The following LHFPL3 variants were observed in gnomAD, a reference collection of about 807,000 sequenced individuals.
The protein encoded by LHFPL3 is LHFPL tetraspan subfamily member 3 protein.
LHFPL3 carries 5 observed loss-of-function variants against 19.3 expected under a neutral mutation model. That is an observed-to-expected ratio of 0.26 (90% CI 0.14 to 0.54). The LOEUF is 0.54. LHFPL3 is among the 20% of genes least tolerant of loss of function. The pLI, the probability that LHFPL3 is intolerant of heterozygous loss-of-function variation, is 0.94. For missense variants in LHFPL3, 249 were observed against 307.4 expected (o/e 0.81, Z 1.42); for synonymous variants, 133 against 126.2 (o/e 1.05, Z -0.36).
intron 1 of LHFPL3, among the ~76,000 whole-genome samples, chr7:104,456,976 G>T (rs115764429): frequency 6.6e-6 from 1 of 152,078 alleles, no homozygotes; most frequent in South Asian, 2.1e-4. Flanking sequence ...CAAAATTATG[G>T]GTAAGGGGGG....
At chr7:104,830,590 A>G (rs188710057) in intron 2 of LHFPL3, among the ~76,000 whole-genome samples, 6 of 152,024 alleles carry the variant, frequency 3.9e-5, no homozygotes, top group Admixed American at 3.3e-4. Flanking sequence ...TAAATAGGGA[A>G]TCCTCTCCCC....
intron 1 of LHFPL3, among the ~76,000 whole-genome samples, chr7:104,711,068 C>T (rs1335883161): frequency 2.0e-5 from 3 of 152,146 alleles, no homozygotes; most frequent in South Asian, 4.2e-4. Context: ...GTATCAATAC[C>T]TAGAGATAAA....
intron 1 of LHFPL3, among the ~76,000 whole-genome samples, chr7:104,702,764 T>A (rs749931773): frequency 5.9e-5 from 9 of 152,184 alleles, no homozygotes; most frequent in Non-Finnish European, 1.0e-4. Context: ...TCATATCACA[T>A]CTTGAATTTT....
chr7:104,562,368 G>A (rs1221689834), intron 1 of LHFPL3, among the ~76,000 whole-genome samples: 2 of 152,148 alleles, frequency 1.3e-5, no homozygotes, highest in African/African-American at 4.8e-5. Flanking sequence ...AGTTCTTGGA[G>A]GCTTTGCTCA....
intron 1 of LHFPL3, among the ~76,000 whole-genome samples, chr7:104,684,460 T>C (rs959606634): frequency 6.6e-6 from 1 of 152,236 alleles, no homozygotes; most frequent in Non-Finnish European, 1.5e-5. Context: ...ACACAAAAAA[T>C]GAGCCTAGCT....
chr7:104,467,362 G>T (rs772787228), intron 1 of LHFPL3, among the ~76,000 whole-genome samples: 23 of 152,240 alleles, frequency 1.5e-4, no homozygotes, highest in Admixed American at 2.6e-4. Flanking sequence ...ATAACATGGG[G>T]TCTACTCGAG....
At chr7:104,360,320 C>G (rs1279089560) in intron 1 of LHFPL3, among the ~76,000 whole-genome samples, 4 of 152,198 alleles carry the variant, frequency 2.6e-5, no homozygotes, top group Admixed American at 6.5e-5. Context: ...CTCCCCTGTG[C>G]TTGCTGTGCA....
chr7:104,754,078 G>A (rs910912400), intron 2 of LHFPL3, among the ~76,000 whole-genome samples: 6 of 152,198 alleles, frequency 3.9e-5, no homozygotes, highest in Admixed American at 3.3e-4. Flanking sequence ...GTGGTGGGGA[G>A]TTGGAGGAAA....
intron 1 of LHFPL3, among the ~76,000 whole-genome samples, chr7:104,581,594 A>G (rs1248602911): frequency 2.6e-5 from 4 of 151,950 alleles, no homozygotes; most frequent in Non-Finnish European, 4.4e-5. Context: ...GATTGTGAAT[A>G]TGTTTTCCTA....
At chr7:104,573,283 G>A (rs7797397) in intron 1 of LHFPL3, among the ~76,000 whole-genome samples, 1 of 151,734 alleles carries the variant, frequency 6.6e-6, no homozygotes, top group African/African-American at 2.4e-5. Context: ...ATAGTGGCGG[G>A]CACCTGTAAT....
intron 1 of LHFPL3, among the ~76,000 whole-genome samples, chr7:104,483,900 C>T (rs1210821599): frequency 6.6e-6 from 1 of 152,162 alleles, no homozygotes; most frequent in Non-Finnish European, 1.5e-5. Context: ...GTTGGGATTA[C>T]AGGTATCAGC....
intron 2 of LHFPL3, among the ~76,000 whole-genome samples, chr7:104,777,833 T>G (rs561126395): frequency 6.6e-6 from 1 of 152,264 alleles, no homozygotes; most frequent in East Asian, 1.9e-4. Context: ...GCAGGAACCA[T>G]GTCCTTTTGA....
intron 1 of LHFPL3, among the ~76,000 whole-genome samples, chr7:104,573,858 C>T (rs1440530550): frequency 2.0e-5 from 3 of 152,170 alleles, no homozygotes; most frequent in Non-Finnish European, 2.9e-5. Flanking sequence ...TATGAATTCC[C>T]CATCTAAGCT....
chr7:104,391,012 C>T (rs1309069204), intron 1 of LHFPL3, among the ~76,000 whole-genome samples: 1 of 152,116 alleles, frequency 6.6e-6, no homozygotes, highest in Non-Finnish European at 1.5e-5. Flanking sequence ...ATATCCTTCG[C>T]CTACTTTTTG....
intron 1 of LHFPL3, among the ~76,000 whole-genome samples, chr7:104,481,914 C>T (rs2115659851): frequency 6.6e-6 from 1 of 152,316 alleles, no homozygotes; most frequent in African/African-American, 2.4e-5. Flanking sequence ...GTGGTAACAG[C>T]TGTTGGTGCC....
At chr7:104,673,578 T>G (rs1358736875) in intron 1 of LHFPL3, among the ~76,000 whole-genome samples, 1 of 152,214 alleles carries the variant, frequency 6.6e-6, no homozygotes, top group Admixed American at 6.5e-5. Context: ...CCAAAAGCAG[T>G]GTGCATTAGA....
chr7:104,693,700 T>C (rs1191510211), intron 1 of LHFPL3, among the ~76,000 whole-genome samples: 2 of 151,782 alleles, frequency 1.3e-5, no homozygotes, highest in East Asian at 3.8e-4. Context: ...TCTTTTCTTT[T>C]TTTTTTTTTT....
At chr7:104,561,253 CGTT>C (rs1384337918) in intron 1 of LHFPL3, among the ~76,000 whole-genome samples, 1 of 148,416 alleles carries the variant, frequency 6.7e-6, no homozygotes, top group Non-Finnish European at 1.5e-5. Flanking sequence ...CTTCCTGTCT[CGTT>C]GATCTGTCTA....
chr7:104,809,542 G>A (rs1041482809), intron 2 of LHFPL3, among the ~76,000 whole-genome samples: 8 of 152,160 alleles, frequency 5.3e-5, no homozygotes, highest in Non-Finnish European at 1.0e-4. Context: ...ACTAATTTTT[G>A]ACATGTTTTT....
Sources: gnomAD v4.1 joint callset for allele counts (sites outside exome capture counted in the v4.1 genomes callset) on GRCh38, gnomAD v4.1.1 for gene constraint, MANE v1.5 for transcripts, NCBI Gene and HGNC (gene_info 2026-07-23, HGNC 2026-07-21) for gene names.